TRRAP: variants seen among roughly 807,000 people sequenced by gnomAD.
TRRAP encodes the protein transformation/transcription domain associated protein.
In TRRAP, 41 loss-of-function variants were observed where a neutral mutation model predicts 438.8. That is an observed-to-expected ratio of 0.09 (90% confidence interval 0.07 to 0.12). The LOEUF is 0.12. TRRAP is among the 10% of genes least tolerant of loss of function. The probability of loss-of-function intolerance (pLI) is 1.00; values close to 1 mark genes in which losing one functional copy is unlikely to be tolerated. For synonymous variants in TRRAP, 1,994 were observed against 1,962.9 expected, an observed-to-expected ratio of 1.02 and a Z score of -0.42; for missense variants, 3,122 against 5,055.1, an observed-to-expected ratio of 0.62 and a Z score of 11.60.
At chr7:98,910,462 TA>T (rs782566905) in intron 15 of TRRAP, 43 bp downstream of exon 15, 1 of 1,613,334 alleles carries the variant, frequency 6.2e-7, no homozygotes, top group Non-Finnish European at 8.5e-7. Flanking sequence ...ATAGTTTTCA[TA>T]AAGTGAGTTT....
Position 98,956,663 on chromosome 7 carries a change from A to T in TRRAP, c.6231+130A>T. 7.0e-7 allele frequency: 1 copy of T among 1,437,898 alleles called. No individual in the cohort carries two copies. The highest frequency in any genetic ancestry group is 1.4e-5 in the South Asian group (1 of 71,512). The allele number at this position is 1,437,898 out of a possible 1,614,324, so 89.1% of individuals were successfully genotyped here. On this transcript the variant is annotated intron_variant, in intron 43 of 72. Transcript: ENST00000456197. The surrounding 1 kb of genome is among the most constrained non-coding windows in gnomAD (Gnocchi z 4.5). Reference sequence around the variant, plus strand: ...GAGGAAGCTGGGAACAGCCACGGTCACCAGATTGAAACTCCAGGACATGTC... The same window carrying T: ...GAGGAAGCTGGGAACAGCCACGGTCTCCAGATTGAAACTCCAGGACATGTC...
At chr7:98,946,872 C>T (rs1791105706) in intron 33 of TRRAP, among the ~76,000 whole-genome samples, 1 of 152,206 alleles carries the variant, frequency 6.6e-6, no homozygotes, top group African/African-American at 2.4e-5. Flanking sequence ...GTAAAAGTAC[C>T]ATTTTAGAAT....
chr7:99,004,260 A>C lies in TRRAP; in HGVS notation c.10380A>C (p.Lys3460Asn). 1 of 1,614,218 alleles carries C rather than the reference A, an allele frequency of 6.2e-7. No homozygotes were observed. Reference protein sequence around the residue: ...NLISKLKKWIKILEAKTKQLP... With the variant: ...NLISKLKKWINILEAKTKQLP... ...TTTCTAAGTTGAAAAAGTGGATCAA[A>C]ATCTTGGAGGCCAAGACCAAGCAAC... The change falls in exon 68 of 73, where the codon AAA becomes AAC. Residue 3460 changes from lysine to asparagine, a missense_variant. By Grantham distance (94) the Lys-to-Asn change is moderately conservative. Transcript: ENST00000456197.
chr7:98,941,154 T>G (rs1266397247), intron 30 of TRRAP, among the ~76,000 whole-genome samples: 1 of 152,178 alleles, frequency 6.6e-6, no homozygotes, highest in Non-Finnish European at 1.5e-5. Flanking sequence ...CATATGATTA[T>G]TAAGTCTTTT....
chr7:98,929,975 ATC>A lies in TRRAP; in HGVS notation c.3176-9_3176-8del. The A allele has an allele frequency of 2.5e-6, 4 of 1,613,424 alleles. No homozygotes were observed. The highest frequency in any genetic ancestry group is 1.7e-4 in the Middle Eastern group (1 of 5,954). Reference sequence around the variant, plus strand: ...CAAGACTGTTCTCACGTGCCTTCCCATCTCTCCTTTTAGGCCCTTTCTTGCTG... The same window carrying A: ...CAAGACTGTTCTCACGTGCCTTCCCATCTCCTTTTAGGCCCTTTCTTGCTG... On this transcript the variant is annotated splice_polypyrimidine_tract_variant and intron_variant, in intron 23 of 72. Transcript: ENST00000456197.
intron 27 of TRRAP, 131 bp from the exon 28 acceptor site, chr7:98,935,448 G>T: frequency 1.4e-6 from 1 of 712,542 alleles, no homozygotes; most frequent in South Asian, 3.3e-5. Context: ...AAAATCTTTA[G>T]GATTTGAGCT....
intron 30 of TRRAP, among the ~76,000 whole-genome samples, chr7:98,942,462 C>G (rs1158845258): frequency 6.6e-6 from 1 of 152,254 alleles, no homozygotes; most frequent in African/African-American, 2.4e-5. Flanking sequence ...CCCCTCCTTT[C>G]TCATCCAGAG....
In TRRAP at chr7:98,994,907, G is replaced by A. The variant is rs1282358426; in HGVS notation, c.10309+59G>A. ...GAATTGTGCACGCTGATTTCCTCCG[G>A]CTTTAGTGTTGAAGCTGATTGGATC... On this transcript the variant is annotated intron_variant, in intron 67 of 72. Coordinates refer to ENST00000456197, the MANE Select transcript of TRRAP (RefSeq NM_001375524.1). This position sits in a 1 kb window ranked among gnomAD's most constrained non-coding sequence, Gnocchi z 4.8. The A allele has an allele frequency of 6.3e-7, 1 of 1,585,874 alleles. No individual in the cohort carries two copies. Among genetic ancestry groups the A allele is most frequent in the South Asian group, 1.1e-5 (1 of 87,408 alleles).
chr7:98,964,857 T>A, intron 48 of TRRAP, 82 bp downstream of exon 48: 1 of 1,463,424 alleles, frequency 6.8e-7, no homozygotes, highest in Non-Finnish European at 9.1e-7. Context: ...GGGGCTGAAC[T>A]CTAAAGGGAA....
intron 48 of TRRAP, 91 bp downstream of exon 48, chr7:98,964,866 A>C (rs1792080644): frequency 7.0e-7 from 1 of 1,425,354 alleles, no homozygotes; most frequent in African/African-American, 1.4e-5. Flanking sequence ...CTCTAAAGGG[A>C]ATGTGCATTC....
At chr7:99,009,919 C>T (rs948039587) in intron 70 of TRRAP, among the ~76,000 whole-genome samples, 8 of 119,872 alleles carry the variant, frequency 6.7e-5, no homozygotes, top group South Asian at 2.8e-4. Context: ...TAGAGTTTCG[C>T]TGTTGTTGCC....
Position 98,956,242 on chromosome 7 carries a change from C to A in TRRAP, c.6034C>A (p.Leu2012Met), listed in dbSNP as rs1554419738. ...TPSVTIEQRR[L>M]AVDLSEVVIK... ...CAGTGTCACCATCGAGCAGAGGCGG[C>A]TGGCCGTGGACCTGTCTGAAGTCGT... Residue 2012 changes from leucine (L) to methionine (M), a missense_variant, in exon 42 of 73, where the codon CTG becomes ATG. Leu to Met is a conservative substitution (Grantham distance 15). Transcript: ENST00000456197. This position sits in a 1 kb window ranked among gnomAD's most constrained non-coding sequence, Gnocchi z 4.5. 1 of 1,614,124 alleles carries A rather than the reference C, an allele frequency of 6.2e-7. No homozygotes were observed. The highest frequency in any genetic ancestry group is 8.5e-7 in the Non-Finnish European group (1 of 1,180,038).
At chr7:98,909,319 G>A (rs559205616) in intron 14 of TRRAP, among the ~76,000 whole-genome samples, 4 of 152,148 alleles carry the variant, frequency 2.6e-5, no homozygotes, top group South Asian at 2.1e-4. Flanking sequence ...CCACCATGCC[G>A]GACTTGTGGC....
At chr7:98,921,116 C>A (rs1473225936) in intron 20 of TRRAP, among the ~76,000 whole-genome samples, 1 of 152,150 alleles carries the variant, frequency 6.6e-6, no homozygotes, top group South Asian at 2.1e-4. Context: ...GGATTACAGG[C>A]GTGAGCAGCA....
In TRRAP at chr7:98,930,066, A is replaced by C. The variant is rs556868058; in HGVS notation, c.3253A>C (p.Lys1085Gln). Residue 1085 changes from lysine to glutamine, a missense_variant, in exon 24 of 73, where the codon AAA becomes CAA. Physicochemically the swap from Lys to Gln is moderately conservative, Grantham distance 53. Transcript: ENST00000456197. ...AMFHSEENGS[K>Q]GMDPLVLIDA... is the part of the protein sequence containing the mutation. ...GTTTCACAGTGAAGAAAATGGCTCGAAAGGAATGGATCCTTTGGTTCTCAT... is the reference window on the plus strand; with the variant it reads ...GTTTCACAGTGAAGAAAATGGCTCGCAAGGAATGGATCCTTTGGTTCTCAT... The C allele has an allele frequency of 6.2e-7, 1 of 1,614,186 alleles. No homozygotes were observed. The highest frequency in any genetic ancestry group is 1.1e-5 in the South Asian group (1 of 91,076).
At chr7:98,949,389 A>G in intron 35 of TRRAP, 28 bp from the exon 36 acceptor site, 1 of 1,491,560 alleles carries the variant, frequency 6.7e-7, no homozygotes, top group Non-Finnish European at 8.9e-7. Context: ...TTAGCTTAAA[A>G]CGGCTTTTCT....
At chr7:98,906,620 A>G (rs1181212807) in intron 13 of TRRAP, among the ~76,000 whole-genome samples, 2 of 151,682 alleles carry the variant, frequency 1.3e-5, no homozygotes, top group African/African-American at 4.8e-5. Flanking sequence ...TTTAGTAGAG[A>G]TGGGGTTTCG....
chr7:98,997,216 G>A (rs1462349390), intron 67 of TRRAP, among the ~76,000 whole-genome samples: 1 of 151,906 alleles, frequency 6.6e-6, no homozygotes, highest in Non-Finnish European at 1.5e-5. Context: ...TTAGGTGGGA[G>A]GATCGCTGGA....
Position 98,937,832 on chromosome 7 carries a change from G to A in TRRAP, c.4404+12G>A, listed in dbSNP as rs2116547515. ...GTGATCAGATGATGGTAAGCCAAAT[G>A]CATTTAAACGCTCTGTAACAAACTT... On this transcript the variant is annotated intron_variant, in intron 30 of 72. Transcript: ENST00000456197. The A allele has an allele frequency of 6.3e-7, 1 of 1,599,740 alleles. No individual in the cohort carries two copies. The highest frequency in any genetic ancestry group is 8.5e-7 in the Non-Finnish European group (1 of 1,174,488).
Sources: allele counts gnomAD v4.1 joint callset (sites outside exome capture counted in the v4.1 genomes callset), GRCh38; gene constraint gnomAD v4.1.1; non-coding constraint Gnocchi (gnomAD v3.1); transcripts MANE v1.5; gene names NCBI Gene and HGNC (gene_info 2026-07-23, HGNC 2026-07-21).